The following DPH6 variants were observed in gnomAD, a reference collection of about 807,000 sequenced individuals.
DPH6 encodes diphthine--ammonia ligase.
DPH6 carries 33 observed loss-of-function variants against 38.2 expected under a neutral mutation model. The ratio of observed to expected loss-of-function variants is 0.86; its 90% confidence interval spans 0.65 to 1.15. The LOEUF is 1.15. Among genes scored for constraint, DPH6 ranks in the 50% most tolerant of loss-of-function variants. The pLI is 0.00. For synonymous variants in DPH6, 108 were observed against 103.0 expected, an observed-to-expected ratio of 1.05 and a Z score of -0.30; for missense variants, 325 against 320.0, an observed-to-expected ratio of 1.02 and a Z score of -0.12.
At chr15:35,505,309 T>C (rs1197793429) in intron 3 of DPH6, among the ~76,000 whole-genome samples, 2 of 152,062 alleles carry the variant, frequency 1.3e-5, no homozygotes, top group Non-Finnish European at 2.9e-5. Context: ...TAAATGGTTG[T>C]TTCCTTTGCA....
chr15:35,387,446 T>G (rs929994697), intron 6 of DPH6, among the ~76,000 whole-genome samples: 17 of 152,224 alleles, frequency 1.1e-4, no homozygotes, highest in Admixed American at 7.9e-4. Flanking sequence ...ATGGCCATTT[T>G]CACGATATTG....
chr15:35,372,985 T>C (rs1324850505), intron 8 of DPH6, among the ~76,000 whole-genome samples: 2 of 151,996 alleles, frequency 1.3e-5, no homozygotes, highest in Non-Finnish European at 2.9e-5. Context: ...AGAACTTTAT[T>C]CCACAAGATA....
At chr15:35,149,780 G>A in the DPH6 span, among the ~76,000 whole-genome samples, 1 of 152,112 alleles carries the variant, frequency 6.6e-6, no homozygotes, top group Admixed American at 6.5e-5. Flanking sequence ...TATTTCTATG[G>A]GCCAGGCATT....
At chr15:35,322,895 A>G (rs2052252228) in intron 3 of DPH6, among the ~76,000 whole-genome samples, 1 of 152,090 alleles carries the variant, frequency 6.6e-6, no homozygotes, top group African/African-American at 2.4e-5. Flanking sequence ...GAACTCTATT[A>G]TATGCCTCTG....
chr15:35,268,696 T>G (rs1045903091), intron 3 of DPH6, among the ~76,000 whole-genome samples: 4 of 151,480 alleles, frequency 2.6e-5, no homozygotes, highest in Non-Finnish European at 5.9e-5. Context: ...TGAAGTCATG[T>G]TACAGAACCT....
At chr15:35,240,112 A>T (rs2051587305) in intron 3 of DPH6, among the ~76,000 whole-genome samples, 1 of 141,400 alleles carries the variant, frequency 7.1e-6, no homozygotes, top group African/African-American at 2.6e-5. Flanking sequence ...AACCTCTTCA[A>T]CTCACACCTG....
rs191936796 is a variant in DPH6 at position 35,266,552 on chromosome 15, A to T, written n.201-45970T>A. Among the ~76,000 whole-genome samples, 146 of 152,316 alleles carry T rather than the reference A, an allele frequency of 9.6e-4. 1 individual carries two copies. Among genetic ancestry groups the T allele is most frequent in the Admixed American group, 9.1e-3 (139 of 15,300 alleles). On this transcript the variant is annotated intron_variant and non_coding_transcript_variant, in intron 3 of 3. Coordinates refer to the DPH6 transcript ENST00000560386. ...CTGTCAAGCAACTAACATAAATTTA[A>T]TATTGTAGCAGTCAGAATCTGTTCT...
At chr15:35,310,810 G>A (rs971317921) in intron 3 of DPH6, among the ~76,000 whole-genome samples, 2 of 151,846 alleles carry the variant, frequency 1.3e-5, no homozygotes, top group African/African-American at 4.8e-5. Flanking sequence ...AGCACTTTGG[G>A]AGGTCGAGGT....
At chr15:35,473,541 T>C (rs2141131389) in intron 3 of DPH6, among the ~76,000 whole-genome samples, 1 of 152,266 alleles carries the variant, frequency 6.6e-6, no homozygotes, top group East Asian at 1.9e-4. Context: ...GACTGTCTTT[T>C]TCACAGAGCA....
intron 3 of DPH6, among the ~76,000 whole-genome samples, chr15:35,331,634 G>A (rs1331345615): frequency 1.3e-5 from 2 of 152,196 alleles, no homozygotes; most frequent in Non-Finnish European, 2.9e-5. Context: ...AGAAAGCAGA[G>A]TGAGGAGAAT....
intron 6 of DPH6, among the ~76,000 whole-genome samples, chr15:35,397,409 T>A (rs1462909865): frequency 6.6e-6 from 1 of 152,238 alleles, no homozygotes; most frequent in African/African-American, 2.4e-5. Flanking sequence ...CTGCTACTGA[T>A]AAAGATGGTA....
At chr15:35,512,360 A>C (rs978764) in intron 3 of DPH6, among the ~76,000 whole-genome samples, 136,351 of 152,132 alleles carry the variant, frequency 0.9, 61,253 homozygotes, top group East Asian at 1. Context: ...GTAGAAAAAA[A>C]AAGTTAAAAT....
chr15:35,472,441 AG>A (rs1328479132), intron 3 of DPH6, among the ~76,000 whole-genome samples: 2 of 152,128 alleles, frequency 1.3e-5, no homozygotes, highest in African/African-American at 2.4e-5. Flanking sequence ...GCAGAGAGAG[AG>A]GGAAGAACCA....
At chr15:35,330,744 C>A (rs958199893), downstream of DPH6, 1 of 152,148 alleles carries the variant, frequency 6.6e-6, no homozygotes, top group Non-Finnish European at 1.5e-5. Context: ...TTTCTCTTTA[C>A]AACCTTGATG....
chr15:35,350,461 T>G (rs1338338412), intron 3 of DPH6, among the ~76,000 whole-genome samples: 1 of 152,116 alleles, frequency 6.6e-6, no homozygotes, highest in Non-Finnish European at 1.5e-5. Flanking sequence ...TGTTAGTTTC[T>G]TCCTTCTATT....
the DPH6 span, among the ~76,000 whole-genome samples, chr15:35,200,982 C>CG: frequency 1.5e-5 from 1 of 68,742 alleles, no homozygotes; most frequent in South Asian, 6.0e-4. Context: ...CAATAATTTC[C>CG]CTTTTTTTTT....
At chr15:35,359,529 G>C (rs1009356301) in intron 3 of DPH6, among the ~76,000 whole-genome samples, 2 of 152,208 alleles carry the variant, frequency 1.3e-5, no homozygotes, top group African/African-American at 4.8e-5. Context: ...AGAGGACCCA[G>C]TGAGCTCCCA....
At chr15:35,259,838 T>C (rs766964426) in intron 3 of DPH6, among the ~76,000 whole-genome samples, 28 of 152,334 alleles carry the variant, frequency 1.8e-4, no homozygotes, top group Middle Eastern at 3.4e-3. Flanking sequence ...GCCCGTAATA[T>C]GTTGAACACG....
rs1045578102 is a variant in DPH6, at chr15:35,240,744, G to A, written n.201-20162C>T. On this transcript the variant is annotated intron_variant and non_coding_transcript_variant, in intron 3 of 3. Transcript: ENST00000560386. ...GCTCGTTCGGCAGCAGCCCTGAGAC[G>A]CTTTACAGCCCTAGACCCTAAAAGG... 1.0e-4 allele frequency among the ~76,000 whole-genome samples: 15 copies of A among 142,970 alleles called. 3 individuals are homozygous for A. The highest frequency in any genetic ancestry group is 2.3e-4 in the Admixed American group (3 of 13,176). 93.8% of individuals were successfully genotyped at this position (142,970 alleles called of 152,430 possible).
Sources: gnomAD v4.1 joint callset for allele counts (sites outside exome capture counted in the v4.1 genomes callset) on GRCh38, gnomAD v4.1.1 for gene constraint, MANE v1.5 for transcripts, NCBI Gene and HGNC (gene_info 2026-07-23, HGNC 2026-07-21) for gene names.